The following SGCD variants were observed in gnomAD, a reference collection of about 807,000 sequenced individuals.
SGCD encodes sarcoglycan delta.
SGCD carries 18 observed loss-of-function variants against 36.6 expected under a neutral mutation model. The observed-to-expected ratio is 0.49, with a 90% CI of 0.34 to 0.73. The LOEUF (loss-of-function observed/expected upper bound fraction) is 0.73, where lower values mean the gene tolerates loss of function less well. Ranked by LOEUF, SGCD falls within the 30% of genes least tolerant of loss-of-function variation. The pLI is 0.01. For synonymous variants in SGCD, 133 were observed against 130.6 expected (o/e 1.02, Z -0.12); for missense variants, 387 against 346.7 (o/e 1.12, Z -0.92).
chr5:156,280,910 G>A (rs572260315), intron 3 of SGCD, among the ~76,000 whole-genome samples: 3 of 152,098 alleles, frequency 2.0e-5, no homozygotes, highest in Admixed American at 6.6e-5. Flanking sequence ...CATTATTAGA[G>A]CAAACCCATA....
chr5:155,990,885 T>C (rs981915434), intron 1 of SGCD, among the ~76,000 whole-genome samples: 3 of 152,182 alleles, frequency 2.0e-5, no homozygotes, highest in African/African-American at 7.2e-5. Flanking sequence ...TAATGACCAT[T>C]TTCTGTATGT....
At chr5:156,218,979 G>T (rs911580752) in intron 3 of SGCD, among the ~76,000 whole-genome samples, 2 of 152,138 alleles carry the variant, frequency 1.3e-5, no homozygotes, top group African/African-American at 2.4e-5. Flanking sequence ...TCGCTGTCCT[G>T]TCTTGTCATT....
At chr5:156,506,579 C>T (rs1324621774) in intron 3 of SGCD, among the ~76,000 whole-genome samples, 1 of 152,004 alleles carries the variant, frequency 6.6e-6, no homozygotes, top group Non-Finnish European at 1.5e-5. Flanking sequence ...AGCAAAAGGG[C>T]CATCAAAGAC....
At chr5:156,595,912 C>A (rs1760909623) in intron 6 of SGCD, among the ~76,000 whole-genome samples, 1 of 152,172 alleles carries the variant, frequency 6.6e-6, no homozygotes, top group Admixed American at 6.5e-5. Flanking sequence ...GCAAATGAAT[C>A]TTTTATGGCT....
chr5:156,071,905 G>T (rs10476271), intron 1 of SGCD, among the ~76,000 whole-genome samples: 24,560 of 151,876 alleles, frequency 0.16, 2,114 homozygotes, highest in Middle Eastern at 0.19. Context: ...TGTCTCTTTT[G>T]ATCTTTGTTG....
At chr5:155,740,382 T>C in the SGCD span, among the ~76,000 whole-genome samples, 1 of 152,208 alleles carries the variant, frequency 6.6e-6, no homozygotes, top group African/African-American at 2.4e-5. Context: ...AATATTTATA[T>C]TGAATGTTTT....
At chr5:156,368,296 T>C (rs2127737549) in intron 3 of SGCD, among the ~76,000 whole-genome samples, 1 of 152,220 alleles carries the variant, frequency 6.6e-6, no homozygotes, top group African/African-American at 2.4e-5. Flanking sequence ...TTTCACCATC[T>C]TGGCCAGGCT....
At chr5:155,926,763 C>T (rs1445084887) in intron 1 of SGCD, among the ~76,000 whole-genome samples, 2 of 151,930 alleles carry the variant, frequency 1.3e-5, no homozygotes, top group Non-Finnish European at 2.9e-5. Flanking sequence ...TGATGCCTAC[C>T]AAAATTTTGT....
rs572098090 is a variant in SGCD, at chr5:156,622,870, G to A, written c.503-24594G>A. ...AAGAACGGTGGGAGAAGATCAGAGG[G>A]TGACTTTTCTAGGTTTTATAATCAG... On this transcript the variant is annotated intron_variant, in intron 6 of 8. Transcript: ENST00000337851. Among the ~76,000 whole-genome samples, 28 of 152,168 alleles carry A rather than the reference G, an allele frequency of 1.8e-4. 1 individual carries two copies. In the South Asian group the frequency reaches 5.8e-3, roughly 32 times the overall value.
chr5:156,059,775 T>C (rs937986808), intron 1 of SGCD, among the ~76,000 whole-genome samples: 2 of 147,034 alleles, frequency 1.4e-5, no homozygotes, highest in African/African-American at 4.9e-5. Flanking sequence ...ATGCAATAAA[T>C]ACAAGTCGTT....
intron 7 of SGCD, among the ~76,000 whole-genome samples, chr5:156,733,750 G>A (rs567067659): frequency 6.6e-6 from 1 of 152,176 alleles, no homozygotes; most frequent in African/African-American, 2.4e-5. Flanking sequence ...GCCCTTCTTT[G>A]TATTTTTTAA....
chr5:156,693,460 C>T (rs74329576), intron 7 of SGCD, among the ~76,000 whole-genome samples: 1 of 152,108 alleles, frequency 6.6e-6, no homozygotes, highest in Non-Finnish European at 1.5e-5. Flanking sequence ...CTTCTTTATG[C>T]TCTTTCACAA....
intron 1 of SGCD, among the ~76,000 whole-genome samples, chr5:155,944,349 T>G (rs1757395808): frequency 6.6e-6 from 1 of 152,232 alleles, no homozygotes; most frequent in African/African-American, 2.4e-5. Flanking sequence ...CGATGATTGT[T>G]AAAGGTTTGC....
chr5:155,957,615 G>A (rs1443072008), intron 1 of SGCD, among the ~76,000 whole-genome samples: 1 of 152,080 alleles, frequency 6.6e-6, no homozygotes, highest in Admixed American at 6.6e-5. Flanking sequence ...TTCAAAGACA[G>A]CAACAAGTGG....
chr5:155,943,990 C>T (rs905484683), intron 1 of SGCD, among the ~76,000 whole-genome samples: 1 of 152,194 alleles, frequency 6.6e-6, no homozygotes, highest in Non-Finnish European at 1.5e-5. Flanking sequence ...GTTCAGTGGT[C>T]CTCCTTCTGT....
intron 1 of SGCD, among the ~76,000 whole-genome samples, chr5:156,059,361 C>T (rs1760144993): frequency 6.8e-6 from 1 of 146,516 alleles, no homozygotes; most frequent in Admixed American, 6.8e-5. Context: ...ATTGTTGTCT[C>T]AGCCTCCAAG....
chr5:156,685,497 C>T (rs1753870653), intron 7 of SGCD, among the ~76,000 whole-genome samples: 1 of 152,124 alleles, frequency 6.6e-6, no homozygotes, highest in South Asian at 2.1e-4. Context: ...TGCAGAGTGC[C>T]ATAGAGTAGA....
intron 3 of SGCD, among the ~76,000 whole-genome samples, chr5:156,285,754 A>G (rs1766576143): frequency 1.3e-5 from 2 of 152,208 alleles, no homozygotes; most frequent in African/African-American, 2.4e-5. Flanking sequence ...CATTCAGGAC[A>G]TAGGCATGGG....
chr5:156,642,114 G>T (rs149593782), intron 6 of SGCD, among the ~76,000 whole-genome samples: 110 of 152,292 alleles, frequency 7.2e-4, no homozygotes, highest in African/African-American at 2.5e-3. Context: ...ACATGGTGGA[G>T]AAAGAGCACT....
Sources: gnomAD v4.1 joint callset for allele counts (sites outside exome capture counted in the v4.1 genomes callset) on GRCh38, gnomAD v4.1.1 for gene constraint, MANE v1.5 for transcripts, NCBI Gene and HGNC (gene_info 2026-07-23, HGNC 2026-07-21) for gene names.